Variants in CADPS observed in about 807,000 individuals in gnomAD.
CADPS encodes calcium dependent secretion activator.
Under a neutral mutation model 167.3 loss-of-function variants are expected in CADPS, and 57 were observed. That is an observed-to-expected ratio of 0.34 (90% CI 0.28 to 0.42). The LOEUF (loss-of-function observed/expected upper bound fraction) is 0.42. Ranked by LOEUF, CADPS falls within the 20% of genes least tolerant of loss-of-function variation. The pLI is 1.00. For missense variants in CADPS, 1,414 were observed against 1,738.1 expected (o/e 0.81, Z 3.32); for synonymous variants, 676 against 635.3 (o/e 1.06, Z -0.96).
chr3:62,496,075 T>TTTC (rs201699868), intron 18 of CADPS, among the ~76,000 whole-genome samples: 2,966 of 120,850 alleles, frequency 0.025, 93 homozygotes, highest in African/African-American at 0.09. Context: ...TTTCTTTTCT[T>TTTC]TTTTTTTTTT....
intron 6 of CADPS, among the ~76,000 whole-genome samples, chr3:62,596,820 A>G (rs1401520070): frequency 6.6e-6 from 1 of 152,326 alleles, no homozygotes; most frequent in East Asian, 1.9e-4. Flanking sequence ...TACTACACAG[A>G]TGAATGGTAA....
At chr3:62,593,348 A>G (rs1364262399) in intron 6 of CADPS, among the ~76,000 whole-genome samples, 2 of 152,210 alleles carry the variant, frequency 1.3e-5, no homozygotes, top group Non-Finnish European at 2.9e-5. Context: ...TGGATATCGG[A>G]GTCTCAGTTT....
chr3:62,475,591 A>AC (rs1431073249), intron 23 of CADPS, among the ~76,000 whole-genome samples: 4 of 142,562 alleles, frequency 2.8e-5, no homozygotes, highest in Admixed American at 7.4e-5. Flanking sequence ...TAAGAAAAAA[A>AC]AAAAAAAAAA....
intron 3 of CADPS, among the ~76,000 whole-genome samples, chr3:62,708,728 C>T (rs527801110): frequency 1.3e-5 from 2 of 152,138 alleles, no homozygotes; most frequent in East Asian, 1.9e-4. Context: ...TGAGCCAAGT[C>T]GCTTGTGACC....
chr3:62,801,607 T>C (rs1385916039), intron 1 of CADPS, among the ~76,000 whole-genome samples: 3 of 152,204 alleles, frequency 2.0e-5, no homozygotes, highest in Non-Finnish European at 4.4e-5. Context: ...GCAAATTAGA[T>C]ATTAATGTTT....
intron 21 of CADPS, among the ~76,000 whole-genome samples, chr3:62,488,454 G>C (rs1219267220): frequency 6.6e-6 from 1 of 151,518 alleles, no homozygotes; most frequent in Non-Finnish European, 1.5e-5. Flanking sequence ...TTGTATTTTA[G>C]TTAGCACTGT....
At chr3:62,824,166 C>CAAAAAAAAAAAAAAA (rs3047274) in intron 1 of CADPS, among the ~76,000 whole-genome samples, 1 of 126,648 alleles carries the variant, frequency 7.9e-6, no homozygotes, top group Non-Finnish European at 1.7e-5. Flanking sequence ...GCTATAACTT[C>CAAAAAAAAAAAAAAA]AAAAAAAAAA....
chr3:62,460,071 T>C (rs1052614717), intron 26 of CADPS, among the ~76,000 whole-genome samples: 1 of 152,230 alleles, frequency 6.6e-6, no homozygotes, highest in South Asian at 2.1e-4. Flanking sequence ...GGGAATAACA[T>C]TTTTGTAATA....
chr3:62,852,604 G>GA (rs368586358), intron 1 of CADPS, among the ~76,000 whole-genome samples: 1,443 of 138,442 alleles, frequency 0.01, 24 homozygotes, highest in African/African-American at 0.032. Flanking sequence ...ATCAAAAAAA[G>GA]AAAAAAAAAA....
intron 1 of CADPS, among the ~76,000 whole-genome samples, chr3:62,818,306 GA>G (rs1412296060): frequency 6.6e-6 from 1 of 152,082 alleles, no homozygotes; most frequent in African/African-American, 2.4e-5. Flanking sequence ...AATCTCAGGG[GA>G]GGCAAAATCA....
At chr3:62,765,759 G>T in intron 2 of CADPS, 112 bp downstream of exon 2, 1 of 591,898 alleles carries the variant, frequency 1.7e-6, no homozygotes. Context: ...TTTGCCTTAG[G>T]AAGGATGATA....
intron 2 of CADPS, among the ~76,000 whole-genome samples, chr3:62,754,587 C>T (rs999887776): frequency 3.3e-5 from 5 of 152,202 alleles, no homozygotes; most frequent in East Asian, 1.9e-4. Flanking sequence ...CTCCTGGGCT[C>T]AAGCCATCCT....
intron 1 of CADPS, among the ~76,000 whole-genome samples, chr3:62,810,690 T>G (rs1055662254): frequency 6.6e-6 from 1 of 152,216 alleles, no homozygotes; most frequent in African/African-American, 2.4e-5. Context: ...GAAAACTGAA[T>G]AGCTGTATCC....
At chr3:62,475,536 T>C (rs1293466944) in intron 23 of CADPS, among the ~76,000 whole-genome samples, 1 of 118,978 alleles carries the variant, frequency 8.4e-6, no homozygotes, top group Non-Finnish European at 1.6e-5. Flanking sequence ...CCTGAGTGCA[T>C]GCAGAGAAGC....
rs1455093301 is a variant in CADPS at position 62,412,890 on chromosome 3, AG to A, written c.3778-9706del. On this transcript the variant is annotated intron_variant, in intron 28 of 29. Transcript: ENST00000383710. This position sits in a 1 kb window ranked among gnomAD's most constrained non-coding sequence, Gnocchi z 4.1. ...TTTAGCTAGCCAAAGCCAGAATACA[AG>A]TAAGTATGTTGCTTCTGAATCAATC... 6.6e-6 allele frequency among the ~76,000 whole-genome samples: 1 copy of A among 152,186 alleles called. No homozygotes were observed. The highest frequency in any genetic ancestry group is 1.5e-5 in the Non-Finnish European group (1 of 68,042).
At chr3:62,583,903 T>C (rs1286093233) in intron 8 of CADPS, among the ~76,000 whole-genome samples, 1 of 152,122 alleles carries the variant, frequency 6.6e-6, no homozygotes, top group East Asian at 1.9e-4. Flanking sequence ...CACGCCCTCC[T>C]GGACTTCATG....
chr3:62,689,930 T>C (rs1409344463), intron 3 of CADPS, among the ~76,000 whole-genome samples: 2 of 151,938 alleles, frequency 1.3e-5, no homozygotes, highest in African/African-American at 2.4e-5. Flanking sequence ...GGAGATCCCA[T>C]GGCAAGTTCA....
At chr3:62,771,669 T>C (rs1460167949) in intron 1 of CADPS, among the ~76,000 whole-genome samples, 1 of 152,136 alleles carries the variant, frequency 6.6e-6, no homozygotes, top group African/African-American at 2.4e-5. Flanking sequence ...AAGGTCAGAA[T>C]TCAGAATTGC....
At chr3:62,576,438 C>T (rs377418522) in intron 8 of CADPS, among the ~76,000 whole-genome samples, 92 of 151,984 alleles carry the variant, frequency 6.1e-4, no homozygotes, top group African/African-American at 2.0e-3. Context: ...CTCACTGGCA[C>T]GTGGTAAGGG....
Sources: gnomAD v4.1 joint callset for allele counts (sites outside exome capture counted in the v4.1 genomes callset) on GRCh38, gnomAD v4.1.1 for gene constraint, Gnocchi (gnomAD v3.1) non-coding constraint, MANE v1.5 for transcripts, NCBI Gene and HGNC (gene_info 2026-07-23, HGNC 2026-07-21) for gene names.